The following GARRE1 variants were observed in gnomAD, a reference collection of about 807,000 sequenced individuals.
The protein encoded by GARRE1 is granule associated Rac and RHOG effector 1, also known as granule associated Rac and RHOG effector protein 1.
In GARRE1, 49 loss-of-function variants were observed where a neutral mutation model predicts 103.2. The observed-to-expected ratio is 0.47, with a 90% CI of 0.38 to 0.60. The LOEUF is 0.60. Ranked by LOEUF, GARRE1 falls within the 20% of genes least tolerant of loss-of-function variation. GARRE1 has a pLI of 0.00. For synonymous variants in GARRE1, 505 were observed against 532.8 expected (o/e 0.95, Z 0.72); for missense variants, 1,199 against 1,370.5 (o/e 0.87, Z 1.98).
At chr19:34,258,519 T>C (rs1047436650) in intron 1 of GARRE1, among the ~76,000 whole-genome samples, 2 of 151,966 alleles carry the variant, frequency 1.3e-5, no homozygotes, top group African/African-American at 2.4e-5. Context: ...GCGCAGTGGC[T>C]CACGCCTGTA....
chr19:34,334,315 T>A (rs959564351), intron 8 of GARRE1, among the ~76,000 whole-genome samples: 11 of 151,928 alleles, frequency 7.2e-5, no homozygotes, highest in Non-Finnish European at 1.2e-4. Flanking sequence ...TATTTTTTTT[T>A]AAAAAAAGCT....
rs372432156 is a variant in GARRE1 at position 34,273,391 on chromosome 19, T to C, written c.-796+18777T>C. 9.1e-4 allele frequency among the ~76,000 whole-genome samples: 139 copies of C among 152,328 alleles called. 4 individuals carry two copies. In the South Asian group the frequency reaches 0.028, roughly 31 times the overall value. ...AGTACTTATGTGGACGTGGCATGTCTTCACTAGCTTATTTATTTATTTTAA... is the reference window on the plus strand; with the variant it reads ...AGTACTTATGTGGACGTGGCATGTCCTCACTAGCTTATTTATTTATTTTAA... On this transcript the variant is annotated intron_variant, in intron 1 of 13. Transcript: ENST00000299505.
chr19:34,335,046 G>GA (rs796763284), intron 8 of GARRE1, among the ~76,000 whole-genome samples: 208 of 130,230 alleles, frequency 1.6e-3, no homozygotes, highest in Middle Eastern at 3.9e-3. Context: ...CCGTCTCCAA[G>GA]AAAAAAAAAA....
Position 34,315,710 on chromosome 19 carries a change from C to CAAAAAAAAA in GARRE1, c.496-4183_496-4175dup, listed in dbSNP as rs35321775. Among the ~76,000 whole-genome samples, 2 of 62,554 alleles carry CAAAAAAAAA rather than the reference C, an allele frequency of 3.2e-5. 1 individual carries two copies. Among genetic ancestry groups the CAAAAAAAAA allele is most frequent in the Non-Finnish European group, 5.6e-5 (2 of 35,842 alleles). 41.0% of individuals were successfully genotyped at this position (62,554 alleles called of 152,430 possible). On this transcript the variant is annotated intron_variant, in intron 2 of 13. Transcript: ENST00000299505. ...TGGGCAACAGAGCAAGACTCTGTCTCAAAAAAAAAAAAAAAAAAAAAAGGG... is the reference window on the plus strand; with the variant it reads ...TGGGCAACAGAGCAAGACTCTGTCTCAAAAAAAAAAAAAAAAAAAAAAAAAAAAAAAGGG...
intron 1 of GARRE1, chr19:34,296,301 T>G (rs909149063): frequency 8.0e-6 from 6 of 746,520 alleles, no homozygotes; most frequent in Non-Finnish European, 1.4e-5. Context: ...TGTAGGGGCC[T>G]GGGCACCTTT....
At chr19:34,282,037 A>G (rs1456336877) in intron 1 of GARRE1, among the ~76,000 whole-genome samples, 1 of 152,016 alleles carries the variant, frequency 6.6e-6, no homozygotes, top group African/African-American at 2.4e-5. Flanking sequence ...TGTATTCCCT[A>G]TACCTTACTT....
intron 2 of GARRE1, among the ~76,000 whole-genome samples, chr19:34,310,680 A>C (rs1314853883): frequency 6.6e-6 from 1 of 152,084 alleles, no homozygotes; most frequent in African/African-American, 2.4e-5. Context: ...CAATAAAAGC[A>C]CTCCAGGACT....
At chr19:34,302,318 G>T (rs2073984452) in intron 2 of GARRE1, among the ~76,000 whole-genome samples, 1 of 95,034 alleles carries the variant, frequency 1.1e-5, no homozygotes. Context: ...TTTTTGAGAC[G>T]GAGTCTCACT....
rs927997170 is a variant in GARRE1, at chr19:34,350,556, C to G, written c.2826-958C>G. ...AACGAATGGGCTTTAAGTCACATAT[C>G]CTTAGTGCTTGGAAACAGTATCTCT... On this transcript the variant is annotated intron_variant, in intron 12 of 13. Transcript: ENST00000299505. 1.1e-4 allele frequency among the ~76,000 whole-genome samples: 16 copies of G among 152,144 alleles called. 1 individual carries two copies. The highest frequency in any genetic ancestry group is 7.2e-4 in the Admixed American group (11 of 15,272).
In GARRE1 at chr19:34,352,704, C is replaced by G; in HGVS notation, c.2962C>G (p.Pro988Ala). Residue 988 changes from proline to alanine, a missense_variant, in exon 14 of 14, where the codon CCC becomes GCC. Coordinates refer to ENST00000299505, the MANE Select transcript of GARRE1 (RefSeq NM_014686.5). ...KAPWQHPSPL[P>A]STLPSPSAPL... ...ACCCTGGCAGCACCCTTCCCCGCTT[C>G]CCAGCACGCTGCCCAGCCCCAGCGC... is the stretch of plus-strand genomic sequence containing the variant. The G allele has an allele frequency of 6.2e-7, 1 of 1,614,058 alleles. No homozygotes were observed.
Position 34,319,957 on chromosome 19 carries a change from G to A in GARRE1, c.546G>A (p.Leu182=). The A allele has an allele frequency of 1.9e-6, 3 of 1,614,218 alleles. No homozygotes were observed. The highest frequency in any genetic ancestry group is 2.5e-6 in the Non-Finnish European group (3 of 1,180,046). ...TGGTGCAAGTCCATTTCCAGTTTTT[G>A]ACTCATGCGTTACAGAAGGTCCAGC... ...LTVVQVHFQF[L]THALQKVQPV... is the part of the protein sequence containing the mutation. Residue 182 remains leucine (L), a synonymous_variant, in exon 3 of 14, where the codon TTG becomes TTA. Coordinates refer to ENST00000299505, the MANE Select transcript of GARRE1 (RefSeq NM_014686.5).
intron 3 of GARRE1, among the ~76,000 whole-genome samples, chr19:34,326,872 C>T (rs988607111): frequency 1.3e-5 from 2 of 151,844 alleles, no homozygotes; most frequent in African/African-American, 2.4e-5. Context: ...AGGGAGATTT[C>T]GGCCGGGCTC....
intron 2 of GARRE1, among the ~76,000 whole-genome samples, chr19:34,319,471 T>C (rs952458730): frequency 2.6e-5 from 4 of 152,198 alleles, no homozygotes; most frequent in African/African-American, 9.7e-5. Flanking sequence ...CAACGGAATG[T>C]CTTATGGTCA....
chr19:34,329,786 A>T (rs1280516112), intron 6 of GARRE1, among the ~76,000 whole-genome samples: 4 of 151,892 alleles, frequency 2.6e-5, no homozygotes, highest in Non-Finnish European at 4.4e-5. Flanking sequence ...CAGTGAGCTG[A>T]GATTGTGCCA....
chr19:34,266,989 C>T (rs2145954920), intron 1 of GARRE1, among the ~76,000 whole-genome samples: 1 of 152,034 alleles, frequency 6.6e-6, no homozygotes. Context: ...TTGGGCCAGA[C>T]ATGGTAGTTT....
chr19:34,313,935 G>A (rs770221265), intron 2 of GARRE1, among the ~76,000 whole-genome samples: 5 of 152,054 alleles, frequency 3.3e-5, no homozygotes, highest in Non-Finnish European at 5.9e-5. Context: ...CGAGTAGTTG[G>A]AATCACAGGC....
Position 34,341,540 on chromosome 19 carries a change from T to G in GARRE1, c.1606T>G (p.Phe536Val). 1 of 1,614,140 alleles carries G rather than the reference T, an allele frequency of 6.2e-7. No homozygotes were observed. The highest frequency in any genetic ancestry group is 8.5e-7 in the Non-Finnish European group (1 of 1,180,028). The change falls in exon 10 of 14, where the codon TTC becomes GTC. Residue 536 changes from phenylalanine (F) to valine (V), a missense_variant. Phe to Val is a conservative substitution (Grantham distance 50). Coordinates refer to ENST00000299505, the MANE Select transcript of GARRE1 (RefSeq NM_014686.5). ...NKSSGGLQKT[F>V]SKLTSRFTKK... ...ATCTTCAGGTGGCCTGCAGAAGACATTCTCCAAACTGACATCCCGGTTCAC... is the reference window on the plus strand; with the variant it reads ...ATCTTCAGGTGGCCTGCAGAAGACAGTCTCCAAACTGACATCCCGGTTCAC...
Position 34,300,490 on chromosome 19 carries a change from C to A in GARRE1, c.17C>A (p.Ala6Asp), listed in dbSNP as rs867083071. The stretch of plus-strand genomic sequence containing the variant: ...CCCTCCCGCATGTATTGCTGCAGTG[C>A]CCAGGACAGTAAAATGGACTACAAG... MYCCS[A>D]QDSKMDYKRR... The change falls in exon 2 of 14, where the codon GCC (alanine) becomes GAC (aspartate). Residue 6 changes from alanine (A) to aspartate (D), a missense_variant. Coordinates refer to ENST00000299505, the MANE Select transcript of GARRE1 (RefSeq NM_014686.5). 1 of 1,601,116 alleles carries A rather than the reference C, an allele frequency of 6.2e-7. No homozygotes were observed. The highest frequency in any genetic ancestry group is 1.7e-5 in the Admixed American group (1 of 59,316).
chr19:34,317,568 C>T (rs1027927479), intron 2 of GARRE1, among the ~76,000 whole-genome samples: 1 of 152,188 alleles, frequency 6.6e-6, no homozygotes, highest in African/African-American at 2.4e-5. Flanking sequence ...TCAGCCTACA[C>T]CAGTTAAGGT....
Sources: allele counts gnomAD v4.1 joint callset (sites outside exome capture counted in the v4.1 genomes callset), GRCh38; gene constraint gnomAD v4.1.1; transcripts MANE v1.5; gene names NCBI Gene and HGNC (gene_info 2026-07-23, HGNC 2026-07-21).